Variants in KLHL29 observed in about 807,000 individuals in gnomAD.
KLHL29 encodes kelch like family member 29, also known as kelch-like protein 29.
In KLHL29, 21 loss-of-function variants were observed where a neutral mutation model predicts 80.4. That is an observed-to-expected ratio of 0.26 (90% confidence interval 0.19 to 0.38). The LOEUF (loss-of-function observed/expected upper bound fraction) is 0.38, where lower values mean the gene tolerates loss of function less well. Among genes scored for constraint, KLHL29 ranks in the 10% least tolerant of loss-of-function variants. The pLI is 1.00. For synonymous variants in KLHL29, 511 were observed against 526.8 expected (o/e 0.97, Z 0.41); for missense variants, 867 against 1,223.9 (o/e 0.71, Z 4.35).
chr2:23,617,092 G>A (rs1165139619), intron 3 of KLHL29: 2 of 152,292 alleles, frequency 1.3e-5, no homozygotes, highest in South Asian at 4.1e-4. Context: ...GTTCTGAAGG[G>A]TTTCCATTTT....
intron 2 of KLHL29, among the ~76,000 whole-genome samples, chr2:23,476,467 G>A (rs541285726): frequency 4.6e-4 from 70 of 152,088 alleles, no homozygotes; most frequent in South Asian, 1.5e-3. Flanking sequence ...ATGCACATAC[G>A]TAAACAGTGC....
rs1353716717 is a variant in KLHL29 at position 23,412,127 on chromosome 2, G to GC, written c.-154+26347_-154+26348insC. ...GCAAAAATGTGTGTGCGTGAAGGGG[G>GC]GGGGGGGGCGGTGCGGTAGAGGTAG... On this transcript the variant is annotated intron_variant, in intron 1 of 13. Transcript: ENST00000486442. Among the ~76,000 whole-genome samples, 6 of 134,528 alleles carry GC rather than the reference G, an allele frequency of 4.5e-5. 1 individual carries two copies. The highest frequency in any genetic ancestry group is 2.0e-4 in the African/African-American group (6 of 30,478). The allele number at this position is 134,528 out of a possible 152,430, so 88.3% of individuals were successfully genotyped here.
At chr2:23,434,151 T>G (rs936573913) in intron 1 of KLHL29, among the ~76,000 whole-genome samples, 1 of 151,534 alleles carries the variant, frequency 6.6e-6, no homozygotes, top group African/African-American at 2.4e-5. Context: ...GAAACCCCGT[T>G]TCTACTAAAA....
intron 3 of KLHL29, among the ~76,000 whole-genome samples, chr2:23,592,962 C>T (rs1324446708): frequency 2.0e-5 from 3 of 152,170 alleles, no homozygotes; most frequent in Admixed American, 6.5e-5. Flanking sequence ...CCAGCTACCC[C>T]ACTGGTCTTC....
intron 5 of KLHL29, among the ~76,000 whole-genome samples, chr2:23,646,959 C>T (rs1669951987): frequency 6.6e-6 from 1 of 152,178 alleles, no homozygotes; most frequent in Non-Finnish European, 1.5e-5. Context: ...ACCCCAAAAG[C>T]AGCTCTGGCT....
intron 3 of KLHL29, among the ~76,000 whole-genome samples, chr2:23,609,883 C>G (rs1668815754): frequency 1.3e-5 from 2 of 152,130 alleles, no homozygotes; most frequent in East Asian, 3.9e-4. Flanking sequence ...GAATCAGACT[C>G]CTGTTTGGAT....
At chr2:23,434,213 T>C (rs1005782930) in intron 1 of KLHL29, among the ~76,000 whole-genome samples, 3 of 149,142 alleles carry the variant, frequency 2.0e-5, no homozygotes, top group Non-Finnish European at 4.4e-5. Flanking sequence ...CCCAGCTACT[T>C]GGGAGGCTGA....
At chr2:23,549,869 A>G (rs1667077682) in intron 2 of KLHL29, among the ~76,000 whole-genome samples, 1 of 152,198 alleles carries the variant, frequency 6.6e-6, no homozygotes, top group Non-Finnish European at 1.5e-5. Context: ...CAGAGCTGGG[A>G]CTGCCATCCT....
chr2:23,642,585 C>A lies in KLHL29; in HGVS notation c.675C>A (p.Ala225=). ...SSVVVNMPAQ[A]LYASPQPLAV... is the part of the protein sequence containing the mutation. The stretch of plus-strand genomic sequence containing the variant: ...TGGTGGTCAACATGCCTGCCCAGGC[C>A]CTGTATGCCAGCCCTCAGCCCCTGG... Residue 225 remains alanine (A), a synonymous_variant, in exon 5 of 14, where the codon GCC becomes GCA. Transcript: ENST00000486442. 1 of 1,550,038 alleles carries A rather than the reference C, an allele frequency of 6.5e-7. No individual in the cohort carries two copies.
At chr2:23,704,274 C>T (rs1558452799) in intron 13 of KLHL29, among the ~76,000 whole-genome samples, 1 of 152,218 alleles carries the variant, frequency 6.6e-6, no homozygotes, top group Non-Finnish European at 1.5e-5. Context: ...CATGAACGAT[C>T]CTGATGGCTT....
At chr2:23,691,428 A>T in intron 6 of KLHL29, 2 of 567,870 alleles carry the variant, frequency 3.5e-6, no homozygotes, top group Non-Finnish European at 6.3e-6. Flanking sequence ...TTTGATTTGC[A>T]TCTTTTTTTG....
intron 3 of KLHL29, among the ~76,000 whole-genome samples, chr2:23,578,894 T>C (rs1667911725): frequency 6.6e-6 from 1 of 152,230 alleles, no homozygotes; most frequent in Non-Finnish European, 1.5e-5. Context: ...TAGACATGTA[T>C]TGGCATGCAT....
intron 1 of KLHL29, among the ~76,000 whole-genome samples, chr2:23,428,245 AG>A (rs1663059965): frequency 6.6e-6 from 1 of 152,232 alleles, no homozygotes. Context: ...GCAGAAATGT[AG>A]GGGAGCTGAG....
intron 5 of KLHL29, among the ~76,000 whole-genome samples, chr2:23,660,989 C>T (rs898301109): frequency 6.6e-6 from 1 of 151,736 alleles, no homozygotes; most frequent in Non-Finnish European, 1.5e-5. Flanking sequence ...TGAAATCGAG[C>T]CATTGCACTG....
At chr2:23,512,799 G>T (rs1022219846) in intron 2 of KLHL29, among the ~76,000 whole-genome samples, 1 of 152,268 alleles carries the variant, frequency 6.6e-6, no homozygotes, top group African/African-American at 2.4e-5. Flanking sequence ...ATGCGCCTCT[G>T]TCTGGAGGGG....
chr2:23,446,008 T>C (rs1482051863), intron 1 of KLHL29, among the ~76,000 whole-genome samples: 2 of 152,242 alleles, frequency 1.3e-5, no homozygotes, highest in Non-Finnish European at 2.9e-5. Flanking sequence ...GCAAATGGTT[T>C]CCTTTCTTCG....
chr2:23,583,993 G>A (rs1168682665), intron 3 of KLHL29, among the ~76,000 whole-genome samples: 1 of 152,182 alleles, frequency 6.6e-6, no homozygotes, highest in Non-Finnish European at 1.5e-5. Flanking sequence ...ATTGCCAGCA[G>A]GTCATTTTAT....
rs1672734309 is a variant in KLHL29 at position 23,706,494 on chromosome 2, G to C, written c.2458G>C (p.Asp820His). ...SRQFCSAVVLDGKIYATGGIV... is the reference protein window; with the variant it reads ...SRQFCSAVVLHGKIYATGGIV... ...TTCCCCCAACAGTGCTGTGGTGCTT[G>C]ATGGCAAGATTTATGCAACTGGAGG... The change falls in exon 14 of 14, where the codon GAT becomes CAT. Residue 820 changes from aspartate (D) to histidine (H), a missense_variant. Transcript: ENST00000486442. The C allele has an allele frequency of 6.5e-7, 1 of 1,530,550 alleles. No homozygotes were observed. 94.8% of individuals were successfully genotyped at this position (1,530,550 alleles called of 1,614,324 possible).
intron 5 of KLHL29, among the ~76,000 whole-genome samples, chr2:23,666,819 C>A (rs371917401): frequency 4.6e-5 from 7 of 152,224 alleles, no homozygotes; most frequent in African/African-American, 1.4e-4. Context: ...AAAGGCAGCC[C>A]GACCCTCTGT....
Sources: gnomAD v4.1 joint callset for allele counts (sites outside exome capture counted in the v4.1 genomes callset) on GRCh38, gnomAD v4.1.1 for gene constraint, MANE v1.5 for transcripts, NCBI Gene and HGNC (gene_info 2026-07-23, HGNC 2026-07-21) for gene names.